Variants in PHKA1 observed in about 807,000 individuals in gnomAD.
PHKA1 encodes the protein phosphorylase b kinase regulatory subunit alpha, skeletal muscle isoform.
In PHKA1, 60 loss-of-function variants were observed where a neutral mutation model predicts 110.2. That is an observed-to-expected ratio of 0.54 (90% CI 0.44 to 0.68). The LOEUF (loss-of-function observed/expected upper bound fraction) is 0.68. PHKA1 is among the 30% of genes least tolerant of loss of function. The pLI, the probability that PHKA1 is intolerant of heterozygous loss-of-function variation, is 0.00. For missense variants in PHKA1, 801 were observed against 942.5 expected, an observed-to-expected ratio of 0.85 and a Z score of 1.97; for synonymous variants, 316 against 333.6, an observed-to-expected ratio of 0.95 and a Z score of 0.58.
chrX:72,584,733 CTT>C (rs1325452974), intron 29 of PHKA1, among the ~76,000 whole-genome samples: 2 of 101,165 alleles, frequency 2.0e-5, no homozygotes, highest in African/African-American at 7.1e-5. Context: ...AAAAGTTTTC[CTT>C]TTTTTTTTAA....
chrX:72,584,350 G>A, intron 29 of PHKA1, 48 bp from the exon 30 acceptor site: 1 of 1,101,626 alleles, frequency 9.1e-7, no homozygotes. Flanking sequence ...TATCACCAAG[G>A]ATAGACAAAC....
intron 25 of PHKA1, among the ~76,000 whole-genome samples, chrX:72,604,127 A>G (rs2052695431): frequency 1.8e-5 from 2 of 109,232 alleles, no homozygotes; most frequent in Admixed American, 2.0e-4. Context: ...ATTGAGGTTT[A>G]TTATTGAGCA....
intron 1 of PHKA1, 112 bp downstream of exon 1, chrX:72,713,691 C>T: frequency 5.0e-6 from 3 of 597,664 alleles, no homozygotes; most frequent in Non-Finnish European, 8.4e-6. Flanking sequence ...CACACACACA[C>T]ACACACACAC....
At chrX:72,669,652 T>C (rs1367166190) in intron 6 of PHKA1, among the ~76,000 whole-genome samples, 2 of 106,579 alleles carry the variant, frequency 1.9e-5, no homozygotes, top group African/African-American at 6.9e-5. Flanking sequence ...GTCTCTGTGA[T>C]AGTTTGCTGA....
intron 23 of PHKA1, among the ~76,000 whole-genome samples, chrX:72,609,112 C>A (rs2052770541): frequency 8.9e-6 from 1 of 112,291 alleles, no homozygotes; most frequent in African/African-American, 3.2e-5. Context: ...TCCCTCCAGG[C>A]CAAGCCTATC....
At chrX:72,630,170 T>G (rs1556286085) in intron 16 of PHKA1, among the ~76,000 whole-genome samples, 10 of 110,295 alleles carry the variant, frequency 9.1e-5, no homozygotes, top group Non-Finnish European at 1.9e-4. Flanking sequence ...GAGAATCACT[T>G]GAACCCGGAA....
intron 6 of PHKA1, among the ~76,000 whole-genome samples, chrX:72,670,564 A>G (rs1175538602): frequency 8.9e-6 from 1 of 111,987 alleles, no homozygotes; most frequent in Non-Finnish European, 1.9e-5. Flanking sequence ...AAAAAGAGGG[A>G]ATCCTCCCTA....
intron 28 of PHKA1, among the ~76,000 whole-genome samples, chrX:72,593,861 T>C (rs995102083): frequency 1.8e-5 from 2 of 112,352 alleles, no homozygotes; most frequent in East Asian, 5.6e-4. Flanking sequence ...AGCTGTCTCT[T>C]GACCTGATTA....
At chrX:72,582,708 C>T (rs2052355781) in intron 30 of PHKA1, 110 bp from the exon 31 acceptor site, 1 of 555,948 alleles carries the variant, frequency 1.8e-6, no homozygotes, top group Non-Finnish European at 3.1e-6. Context: ...ATTGATTCAG[C>T]CCCCTTCAAA....
intron 3 of PHKA1, among the ~76,000 whole-genome samples, chrX:72,704,432 AAT>A (rs1418725486): frequency 9.0e-6 from 1 of 111,604 alleles, no homozygotes; most frequent in African/African-American, 3.3e-5. Context: ...GGCATAAGGT[AAT>A]ATATGGTGTA....
At chrX:72,671,463 C>T (rs2053697299) in intron 6 of PHKA1, among the ~76,000 whole-genome samples, 1 of 111,791 alleles carries the variant, frequency 8.9e-6, no homozygotes, top group Non-Finnish European at 1.9e-5. Context: ...AAGAACATTC[C>T]ATGCTCATGG....
In PHKA1 at chrX:72,653,422, C is replaced by T. The variant is rs999175740; in HGVS notation, c.1137+13G>A. ...TCTCTATCAGCTACATGTTATGGCA[C>T]TGTCTGACTCACCCTGTCAGGAGGA... On this transcript the variant is annotated intron_variant, in intron 11 of 31. Transcript: ENST00000373542. The T allele has an allele frequency of 7.0e-6, 8 of 1,136,483 alleles. No homozygotes were observed. Among genetic ancestry groups the T allele is most frequent in the Non-Finnish European group, 8.5e-6 (7 of 827,165 alleles). 93.7% of individuals were successfully genotyped at this position (1,136,483 alleles called of 1,213,427 possible).
In PHKA1 at chrX:72,601,194, G is replaced by T. The variant is rs782091271; in HGVS notation, c.3072+797C>A. Among the ~76,000 whole-genome samples, 3 of 112,050 alleles carry T rather than the reference G, an allele frequency of 2.7e-5. No homozygotes were observed. The South Asian group carries it at 1.1e-3, about 42-fold the overall frequency. ...TCCCACTATCTCCCAGACTGATTTA[G>T]ATGTTTCTCCCTCTGTGTCCACAGC... On this transcript the variant is annotated intron_variant, in intron 28 of 31. Coordinates refer to ENST00000373542, the MANE Select transcript of PHKA1 (RefSeq NM_002637.4).
At chrX:72,621,930 A>G (rs1556278339) in intron 18 of PHKA1, 1 of 744,751 alleles carries the variant, frequency 1.3e-6, no homozygotes, top group African/African-American at 2.3e-5. Context: ...AGTAACACGT[A>G]TCATTAGAAA....
At chrX:72,655,192 T>G (rs1239845850) in intron 10 of PHKA1, among the ~76,000 whole-genome samples, 3 of 112,293 alleles carry the variant, frequency 2.7e-5, no homozygotes, top group Non-Finnish European at 5.6e-5. Context: ...AGGGATAGCT[T>G]GAGCCCAGGA....
At chrX:72,676,192 A>G (rs373882508) in intron 5 of PHKA1, 42 bp from the exon 6 acceptor site, 26 of 997,713 alleles carry the variant, frequency 2.6e-5, no homozygotes, top group Non-Finnish European at 3.4e-5. Context: ...AGTCATAACT[A>G]CTAAATACTT....
rs1339897188 is a variant in PHKA1 at position 72,579,603 on chromosome X, T to C, written c.*1399A>G. On this transcript the variant is annotated 3_prime_UTR_variant, in exon 32 of 32. Coordinates refer to ENST00000373542, the MANE Select transcript of PHKA1 (RefSeq NM_002637.4). The stretch of plus-strand genomic sequence containing the variant: ...AGCTATTCTTCCACCAATCTGTGTG[T>C]GTCAATCTGAGTCCACAGTCACATC... 1 of 111,737 alleles carries C rather than the reference T, an allele frequency of 8.9e-6. No homozygotes were observed. Among genetic ancestry groups the C allele is most frequent in the Non-Finnish European group, 1.9e-5 (1 of 53,170 alleles). 9.2% of individuals were successfully genotyped at this position (111,737 alleles called of 1,213,427 possible). A position where few individuals can be genotyped will look rare whatever the true frequency, so the allele number is the denominator to read the frequency against.
At chrX:72,655,008 G>A (rs1249797392) in intron 10 of PHKA1, among the ~76,000 whole-genome samples, 5 of 109,503 alleles carry the variant, frequency 4.6e-5, no homozygotes, top group African/African-American at 1.6e-4. Context: ...CGTTTTAGCC[G>A]GGATGGTCTC....
chrX:72,632,704 C>T (rs2053181132), intron 16 of PHKA1, among the ~76,000 whole-genome samples: 1 of 111,602 alleles, frequency 9.0e-6, no homozygotes. Context: ...TTTTCAGCAG[C>T]ACAAAATTTT....
Sources: gnomAD v4.1 joint callset for allele counts (sites outside exome capture counted in the v4.1 genomes callset) on GRCh38, gnomAD v4.1.1 for gene constraint, MANE v1.5 for transcripts, NCBI Gene and HGNC (gene_info 2026-07-23, HGNC 2026-07-21) for gene names.